The following ILRUN variants were observed in gnomAD, a reference collection of about 807,000 sequenced individuals.
ILRUN encodes protein ILRUN.
A neutral mutation model predicts 33.8 loss-of-function variants in ILRUN; 3 were observed. The observed-to-expected ratio is 0.09, with a 90% confidence interval of 0.04 to 0.23. The LOEUF (loss-of-function observed/expected upper bound fraction) is 0.23. Among genes scored for constraint, ILRUN ranks in the 10% least tolerant of loss-of-function variants. The pLI is 1.00. For missense variants in ILRUN, 210 were observed against 375.1 expected, an observed-to-expected ratio of 0.56 and a Z score of 3.64; for synonymous variants, 124 against 138.9, an observed-to-expected ratio of 0.89 and a Z score of 0.75.
chr6:34,650,844 T>C (rs1290712169), intron 2 of ILRUN, among the ~76,000 whole-genome samples: 2 of 152,188 alleles, frequency 1.3e-5, no homozygotes, highest in Admixed American at 6.5e-5. Context: ...GTCTCATCTG[T>C]GGTATATTTG....
At chr6:34,608,225 C>G (rs1027402073) in intron 3 of ILRUN, among the ~76,000 whole-genome samples, 2 of 152,012 alleles carry the variant, frequency 1.3e-5, no homozygotes, top group African/African-American at 2.4e-5. Context: ...GAAACCCCAT[C>G]TCTACTGAAA....
chr6:34,675,067 G>A (rs1023305999), intron 1 of ILRUN, among the ~76,000 whole-genome samples: 2 of 152,172 alleles, frequency 1.3e-5, no homozygotes, highest in African/African-American at 2.4e-5. Context: ...AATCACCTGA[G>A]GTTAAGAGTT....
At chr6:34,690,780 G>A (rs1363993187) in intron 1 of ILRUN, among the ~76,000 whole-genome samples, 1 of 44,256 alleles carries the variant, frequency 2.3e-5, no homozygotes, top group African/African-American at 6.3e-5. Flanking sequence ...TTGTAGCAAG[G>A]AAGGTTTAAA....
intron 3 of ILRUN, among the ~76,000 whole-genome samples, chr6:34,611,117 T>TTA (rs1554183501): frequency 1.0e-4 from 15 of 149,102 alleles, no homozygotes; most frequent in South Asian, 4.3e-4. Context: ...TTTTTTTTTT[T>TTA]AATTAAATTT....
In ILRUN at chr6:34,587,673, G is replaced by C. The variant is rs1761220396; in HGVS notation, c.*2892C>G. On this transcript the variant is annotated 3_prime_UTR_variant, in exon 5 of 5. Transcript: ENST00000374023. The stretch of plus-strand genomic sequence containing the variant: ...TTCTCTCCAGGCTGGAAGTAACTTT[G>C]ATGGGCTTAAGGTTACAGCCAGTCC... 6.0e-6 allele frequency: 1 copy of C among 165,518 alleles called. No homozygotes were observed. The highest frequency in any genetic ancestry group is 2.0e-4 in the South Asian group (1 of 4,932). The allele number at this position is 165,518 out of a possible 1,614,324, so 10.3% of individuals were successfully genotyped here. A position where few individuals can be genotyped will look rare whatever the true frequency, so the allele number is the denominator to read the frequency against.
At chr6:34,695,632 A>G (rs1394155166) in intron 1 of ILRUN, among the ~76,000 whole-genome samples, 2 of 152,106 alleles carry the variant, frequency 1.3e-5, no homozygotes, top group Non-Finnish European at 2.9e-5. Flanking sequence ...CTCCATTCCC[A>G]GCATTCTGGT....
chr6:34,611,441 G>A (rs1761751860), intron 3 of ILRUN, among the ~76,000 whole-genome samples: 1 of 152,112 alleles, frequency 6.6e-6, no homozygotes, highest in African/African-American at 2.4e-5. Context: ...CTGCTGCAAT[G>A]GGTCATCATG....
intron 3 of ILRUN, among the ~76,000 whole-genome samples, chr6:34,638,711 GA>G (rs369343567): frequency 1.7e-4 from 25 of 143,440 alleles, no homozygotes; most frequent in African/African-American, 5.4e-4. Flanking sequence ...TCTCAAAAAA[GA>G]AAAAAAAAAC....
At chr6:34,687,582 C>T (rs2127389135) in intron 1 of ILRUN, among the ~76,000 whole-genome samples, 1 of 151,612 alleles carries the variant, frequency 6.6e-6, no homozygotes, top group East Asian at 1.9e-4. Flanking sequence ...GCTGTAGTCC[C>T]AGCTACTCGG....
At chr6:34,648,407 T>C (rs1762600043) in intron 2 of ILRUN, among the ~76,000 whole-genome samples, 1 of 152,124 alleles carries the variant, frequency 6.6e-6, no homozygotes, top group Non-Finnish European at 1.5e-5. Context: ...ACTCCTGAGA[T>C]CTCAGCTCCA....
intron 1 of ILRUN, among the ~76,000 whole-genome samples, chr6:34,678,998 G>A (rs1051764802): frequency 6.6e-6 from 1 of 151,782 alleles, no homozygotes; most frequent in African/African-American, 2.4e-5. Flanking sequence ...GACAAAACAG[G>A]GTGGGAGGAG....
At chr6:34,614,443 A>AT (rs775273061) in intron 3 of ILRUN, among the ~76,000 whole-genome samples, 4,209 of 133,550 alleles carry the variant, frequency 0.032, 114 homozygotes, top group East Asian at 0.054. Context: ...AAAAAAAAAA[A>AT]ATATATATAT....
At chr6:34,657,580 C>A (rs115943058) in intron 1 of ILRUN, among the ~76,000 whole-genome samples, 58 of 152,276 alleles carry the variant, frequency 3.8e-4, no homozygotes, top group Admixed American at 2.2e-3. Flanking sequence ...GGAATCCTGG[C>A]AGGAAGCTGG....
intron 1 of ILRUN, among the ~76,000 whole-genome samples, chr6:34,669,209 A>T (rs529548540): frequency 2.0e-5 from 3 of 151,574 alleles, no homozygotes; most frequent in Admixed American, 6.6e-5. Context: ...CTGTAGCCTC[A>T]ACTTCCTGGG....
chr6:34,616,067 G>T (rs1336019654), intron 3 of ILRUN, among the ~76,000 whole-genome samples: 1 of 152,162 alleles, frequency 6.6e-6, no homozygotes, highest in African/African-American at 2.4e-5. Flanking sequence ...CTTGGGAAGG[G>T]ACCACTTCAA....
intron 3 of ILRUN, among the ~76,000 whole-genome samples, chr6:34,615,691 G>A (rs1281456909): frequency 4.6e-5 from 7 of 152,144 alleles, no homozygotes; most frequent in African/African-American, 1.2e-4. Context: ...GATATCAAGC[G>A]AGGGGTAGAA....
At chr6:34,676,560 T>A (rs560538091) in intron 1 of ILRUN, among the ~76,000 whole-genome samples, 1 of 151,406 alleles carries the variant, frequency 6.6e-6, no homozygotes, top group Non-Finnish European at 1.5e-5. Context: ...TCCAGAGCAG[T>A]GGCACGACCT....
At chr6:34,656,619 T>C (rs1366083152) in intron 1 of ILRUN, among the ~76,000 whole-genome samples, 1 of 152,240 alleles carries the variant, frequency 6.6e-6, no homozygotes, top group East Asian at 1.9e-4. Context: ...ACTGAGCTGT[T>C]TTTAATTATA....
intron 3 of ILRUN, among the ~76,000 whole-genome samples, chr6:34,614,431 T>A (rs868659693): frequency 0.042 from 4,750 of 113,642 alleles, 170 homozygotes; most frequent in African/African-American, 0.097. Flanking sequence ...CAAAAAATAA[T>A]AAAAAAAAAA....
Sources: gnomAD v4.1 joint callset for allele counts (sites outside exome capture counted in the v4.1 genomes callset) on GRCh38, gnomAD v4.1.1 for gene constraint, MANE v1.5 for transcripts, NCBI Gene and HGNC (gene_info 2026-07-23, HGNC 2026-07-21) for gene names.